STYX: variants seen among roughly 807,000 people sequenced by gnomAD.
STYX encodes serine/threonine/tyrosine interacting protein.
STYX carries 20 observed loss-of-function variants against 42.7 expected under a neutral mutation model. The observed-to-expected ratio is 0.47, with a 90% CI of 0.33 to 0.68. The LOEUF is 0.68. Among genes scored for constraint, STYX ranks in the 30% least tolerant of loss-of-function variants. The probability of loss-of-function intolerance (pLI) is 0.02; values close to 1 mark genes in which losing one functional copy is unlikely to be tolerated. For missense variants in STYX, 226 were observed against 268.5 expected (o/e 0.84, Z 1.11); for synonymous variants, 78 against 81.9 (o/e 0.95, Z 0.26).
chr14:52,758,520 A>T (rs910502171), intron 8 of STYX, among the ~76,000 whole-genome samples: 1 of 152,212 alleles, frequency 6.6e-6, no homozygotes, highest in Non-Finnish European at 1.5e-5. Context: ...CTAAATTAGA[A>T]TGGATAACTT....
At chr14:52,766,681 A>C (rs1386654176) in intron 9 of STYX, among the ~76,000 whole-genome samples, 1 of 152,094 alleles carries the variant, frequency 6.6e-6, no homozygotes, top group Non-Finnish European at 1.5e-5. Context: ...TTGCAAATTC[A>C]AGCCTTCCCT....
chr14:52,755,683 GTT>G (rs372975976), intron 4 of STYX, among the ~76,000 whole-genome samples: 3 of 129,808 alleles, frequency 2.3e-5, no homozygotes, highest in African/African-American at 5.7e-5. Flanking sequence ...CTCTCAGCTA[GTT>G]TTTTTTTTTT....
intron 1 of STYX, among the ~76,000 whole-genome samples, chr14:52,743,746 A>C (rs946198786): frequency 4.6e-5 from 7 of 152,210 alleles, no homozygotes; most frequent in African/African-American, 1.7e-4. Flanking sequence ...CCTAATTACT[A>C]ATAATAATTC....
At chr14:52,767,777 T>A (rs1882365233) in intron 9 of STYX, among the ~76,000 whole-genome samples, 1 of 152,194 alleles carries the variant, frequency 6.6e-6, no homozygotes. Context: ...TGGGGAATCC[T>A]TACCCATGCC....
intron 8 of STYX, among the ~76,000 whole-genome samples, chr14:52,759,326 C>T (rs960226902): frequency 1.3e-5 from 2 of 152,072 alleles, no homozygotes; most frequent in Admixed American, 6.5e-5. Context: ...TACTACATTG[C>T]CCAGGCTGGT....
chr14:52,750,829 C>T (rs1398947183), intron 4 of STYX, 49 bp downstream of exon 4: 7 of 1,298,042 alleles, frequency 5.4e-6, no homozygotes, highest in Non-Finnish European at 7.6e-6. Context: ...AGTTTCATTT[C>T]AGGTTTTGTA....
At chr14:52,770,110 T>G (rs150104585) in intron 10 of STYX, among the ~76,000 whole-genome samples, 2,708 of 152,234 alleles carry the variant, frequency 0.018, 36 homozygotes, top group Non-Finnish European at 0.027. Context: ...GCACTCTTCC[T>G]TTAACCCCTA....
At position 52,751,914 on chromosome 14, in the gene STYX, G is replaced by A. The variant is rs530476309; in HGVS notation, c.242+1134G>A. Among the ~76,000 whole-genome samples, 247 of 152,260 alleles carry A rather than the reference G, an allele frequency of 1.6e-3. 1 individual carries two copies. Among genetic ancestry groups the A allele is most frequent in the African/African-American group, 5.6e-3 (233 of 41,554 alleles). ...ACGGTGGCTCACGCCTGTAATCCCAGCATTTTGGGAGGCCGAGGTGGGCAG... is the reference window on the plus strand; with the variant it reads ...ACGGTGGCTCACGCCTGTAATCCCAACATTTTGGGAGGCCGAGGTGGGCAG... On this transcript the variant is annotated intron_variant, in intron 4 of 10. Transcript: ENST00000354586.
intron 4 of STYX, among the ~76,000 whole-genome samples, chr14:52,752,190 A>C (rs28531890): frequency 0.041 from 5,949 of 145,246 alleles, 391 homozygotes; most frequent in African/African-American, 0.14. Context: ...CAAAAAAAAA[A>C]CAGCGCTGTG....
chr14:52,753,271 T>C (rs905732574), intron 4 of STYX, among the ~76,000 whole-genome samples: 6 of 152,012 alleles, frequency 3.9e-5, no homozygotes, highest in African/African-American at 1.2e-4. Context: ...CAGGCTGATC[T>C]TGAACTCCTG....
At chr14:52,770,177 C>T (rs1441912174) in intron 10 of STYX, among the ~76,000 whole-genome samples, 1 of 152,136 alleles carries the variant, frequency 6.6e-6, no homozygotes, top group East Asian at 1.9e-4. Context: ...ATCACAGTAT[C>T]TGGGTTTAGC....
intron 4 of STYX, 99 bp from the exon 5 acceptor site, chr14:52,756,450 TGC>T (rs1566676734): frequency 1.4e-6 from 1 of 696,958 alleles, no homozygotes; most frequent in Non-Finnish European, 2.4e-6. Flanking sequence ...AAAGTTGTTT[TGC>T]ATTCTTGCCA....
In STYX at chr14:52,774,716, T is replaced by G. The variant is rs1233262443; in HGVS notation, c.*3610T>G. ...CCATACCTCACAGTTCAAAGTGTAT[T>G]CTATAGATCAGTAACATTATACTGA... On this transcript the variant is annotated 3_prime_UTR_variant, in exon 11 of 11. Coordinates refer to ENST00000354586, the MANE Select transcript of STYX (RefSeq NM_145251.4). The G allele has an allele frequency of 6.6e-6, 1 of 152,044 alleles. No homozygotes were observed. Among genetic ancestry groups the G allele is most frequent in the Non-Finnish European group, 1.5e-5 (1 of 67,998 alleles). 9.4% of individuals were successfully genotyped at this position (152,044 alleles called of 1,614,324 possible). A position where few individuals can be genotyped will look rare whatever the true frequency, so the allele number is the denominator to read the frequency against.
chr14:52,736,518 G>C (rs1167221911), intron 1 of STYX, among the ~76,000 whole-genome samples: 1 of 151,964 alleles, frequency 6.6e-6, no homozygotes, highest in East Asian at 1.9e-4. Flanking sequence ...TCTTCTGACA[G>C]AAAGTGAAAT....
intron 1 of STYX, among the ~76,000 whole-genome samples, chr14:52,735,400 A>G (rs1880910295): frequency 6.6e-6 from 1 of 152,308 alleles, no homozygotes; most frequent in Non-Finnish European, 1.5e-5. Context: ...GGCCCCATCT[A>G]GGTCATATCC....
Position 52,744,891 on chromosome 14 carries a change from C to T in STYX, c.90+7C>T, listed in dbSNP as rs748733695. On this transcript the variant is annotated splice_region_variant and intron_variant, in intron 2 of 10. Transcript: ENST00000354586. ...TATGAGACGAGAGATGCAGGTATGGCAACCTTTTCTTTGTTCAAACCAACC... is the reference window on the plus strand; with the variant it reads ...TATGAGACGAGAGATGCAGGTATGGTAACCTTTTCTTTGTTCAAACCAACC... 34 of 1,612,754 alleles carry T rather than the reference C, an allele frequency of 2.1e-5. No homozygotes were observed. Among genetic ancestry groups the T allele is most frequent in the African/African-American group, 2.7e-5 (2 of 74,832 alleles).
intron 9 of STYX, among the ~76,000 whole-genome samples, chr14:52,760,183 CAG>C (rs1005582262): frequency 2.6e-5 from 4 of 152,110 alleles, no homozygotes; most frequent in African/African-American, 9.7e-5. Context: ...GCCTGGCCCA[CAG>C]AGTGAGACCC....
rs1270513054 is a variant in STYX at position 52,773,369 on chromosome 14, C to T, written c.*2263C>T. 2 of 145,464 alleles carry T rather than the reference C, an allele frequency of 1.4e-5. No homozygotes were observed. Among genetic ancestry groups the T allele is most frequent in the African/African-American group, 2.5e-5 (1 of 39,532 alleles). 9.0% of individuals were successfully genotyped at this position (145,464 alleles called of 1,614,324 possible). On this transcript the variant is annotated 3_prime_UTR_variant, in exon 11 of 11. Transcript: ENST00000354586. ...TTTTTTTTTTTTTGAGACAGAGTCT[C>T]TAATGTCACCCAGGCTGGAGTACAG...
At chr14:52,764,100 C>T (rs2139931362) in intron 9 of STYX, among the ~76,000 whole-genome samples, 1 of 152,106 alleles carries the variant, frequency 6.6e-6, no homozygotes, top group East Asian at 1.9e-4. Context: ...TCAAGTGATT[C>T]TCCTGCCTCA....
Sources: allele counts gnomAD v4.1 joint callset (sites outside exome capture counted in the v4.1 genomes callset), GRCh38; gene constraint gnomAD v4.1.1; transcripts MANE v1.5; gene names NCBI Gene and HGNC (gene_info 2026-07-23, HGNC 2026-07-21).